MDGA2: variants seen among roughly 807,000 people sequenced by gnomAD.
MDGA2 encodes the protein MAM domain containing glycosylphosphatidylinositol anchor 2.
In MDGA2, 40 loss-of-function variants were observed where a neutral mutation model predicts 117.8. The ratio of observed to expected loss-of-function variants is 0.34; its 90% CI spans 0.26 to 0.44. The LOEUF is 0.44. Ranked by LOEUF, MDGA2 falls within the 20% of genes least tolerant of loss-of-function variation. MDGA2 has a pLI of 1.00. For missense variants in MDGA2, 1,123 were observed against 1,250.6 expected, an observed-to-expected ratio of 0.90 and a Z score of 1.54; for synonymous variants, 452 against 439.0, an observed-to-expected ratio of 1.03 and a Z score of -0.37.
intron 1 of MDGA2, among the ~76,000 whole-genome samples, chr14:47,396,007 G>T (rs1891999967): frequency 1.3e-5 from 2 of 152,256 alleles, no homozygotes; most frequent in African/African-American, 4.8e-5. Context: ...ACTAGCAAGA[G>T]AATCTATGTG....
chr14:47,520,837 T>G, intron 1 of MDGA2, among the ~76,000 whole-genome samples: 1 of 152,198 alleles, frequency 6.6e-6, no homozygotes, highest in East Asian at 1.9e-4. Context: ...TTCACTTGAG[T>G]TAAAGATAAA....
chr14:47,470,467 A>G (rs892466002), intron 1 of MDGA2, among the ~76,000 whole-genome samples: 1 of 152,140 alleles, frequency 6.6e-6, no homozygotes, highest in Non-Finnish European at 1.5e-5. Context: ...ATGGCTGCAT[A>G]GTATTCCATG....
intron 1 of MDGA2, among the ~76,000 whole-genome samples, chr14:47,568,252 C>T (rs1881012881): frequency 6.6e-6 from 1 of 152,184 alleles, no homozygotes; most frequent in African/African-American, 2.4e-5. Flanking sequence ...AATGTTAAAG[C>T]TCTTCAGCAT....
intron 3 of MDGA2, chr14:47,200,549 T>TTTTA: frequency 3.4e-6 from 2 of 592,438 alleles, no homozygotes; most frequent in Non-Finnish European, 5.2e-6. Context: ...TTTTTTTTTT[T>TTTTA]GAGGAGTTAA....
chr14:47,056,946 A>G (rs1209623811), intron 7 of MDGA2, among the ~76,000 whole-genome samples: 2 of 152,102 alleles, frequency 1.3e-5, no homozygotes, highest in Non-Finnish European at 2.9e-5. Context: ...TATAGCATAT[A>G]GTATATTTAA....
chr14:47,481,114 C>T (rs1893945967), intron 1 of MDGA2, among the ~76,000 whole-genome samples: 2 of 151,944 alleles, frequency 1.3e-5, no homozygotes, highest in Admixed American at 1.3e-4. Flanking sequence ...TAACCAGATC[C>T]AGTTCTTGCC....
chr14:47,421,256 G>C (rs1473197047), intron 1 of MDGA2, among the ~76,000 whole-genome samples: 1 of 152,058 alleles, frequency 6.6e-6, no homozygotes, highest in Admixed American at 6.6e-5. Context: ...GGGAGTCAAA[G>C]ATTAAAAGCT....
chr14:47,207,516 A>G (rs1007105481), intron 3 of MDGA2, among the ~76,000 whole-genome samples: 1 of 151,960 alleles, frequency 6.6e-6, no homozygotes, highest in Non-Finnish European at 1.5e-5. Context: ...GGAATAAGAT[A>G]GTGGAAGTGG....
intron 1 of MDGA2, among the ~76,000 whole-genome samples, chr14:47,540,540 G>GTGTGTGTGTATATATATATATATATA: frequency 1.3e-4 from 10 of 79,210 alleles, no homozygotes; most frequent in African/African-American, 3.1e-4. Flanking sequence ...GTGTGTGTGT[G>GTGTGTGTGTATATATATATATATATA]TATATATATA....
Position 47,048,743 on chromosome 14 carries a change from T to C in MDGA2, c.1525+12506A>G, listed in dbSNP as rs146831809. On this transcript the variant is annotated intron_variant, in intron 7 of 16. Transcript: ENST00000399232. ...CAACAGATCAGGGTCACATGTTCTT[T>C]AGAGCAAATGAGGTTTAATTAACAG... Among the ~76,000 whole-genome samples, 29 of 152,206 alleles carry C rather than the reference T, an allele frequency of 1.9e-4. No individual in the cohort carries two copies. The East Asian group carries it at 5.2e-3, about 27-fold the overall frequency.
intron 7 of MDGA2, among the ~76,000 whole-genome samples, chr14:47,040,401 G>A (rs974312664): frequency 6.6e-6 from 1 of 151,648 alleles, no homozygotes; most frequent in African/African-American, 2.4e-5. Flanking sequence ...CATATTACAG[G>A]GCCCAAGAAG....
chr14:47,557,236 A>G (rs1216116948), intron 1 of MDGA2, among the ~76,000 whole-genome samples: 1 of 152,228 alleles, frequency 6.6e-6, no homozygotes, highest in African/African-American at 2.4e-5. Flanking sequence ...AAATGGCACT[A>G]TAAGGGAGGC....
chr14:47,517,532 T>C (rs1419734596), intron 1 of MDGA2, among the ~76,000 whole-genome samples: 2 of 152,154 alleles, frequency 1.3e-5, no homozygotes, highest in Non-Finnish European at 2.9e-5. Context: ...AAATCACATA[T>C]ATGTAAATTT....
At chr14:47,237,161 C>A (rs1167639348) in intron 2 of MDGA2, among the ~76,000 whole-genome samples, 1 of 151,776 alleles carries the variant, frequency 6.6e-6, no homozygotes, top group Non-Finnish European at 1.5e-5. Context: ...AAAAAGAAAG[C>A]CTTGCTAAGG....
At chr14:47,290,144 T>A (rs577388483) in intron 2 of MDGA2, among the ~76,000 whole-genome samples, 15 of 152,208 alleles carry the variant, frequency 9.9e-5, no homozygotes, top group African/African-American at 3.4e-4. Flanking sequence ...ATGCTCTGAA[T>A]ATGTGTCCCT....
At chr14:46,883,096 A>G (rs913940845) in intron 10 of MDGA2, among the ~76,000 whole-genome samples, 2 of 152,112 alleles carry the variant, frequency 1.3e-5, no homozygotes, top group Non-Finnish European at 2.9e-5. Context: ...ATTTTTAAAA[A>G]GAAAAACAAT....
At chr14:47,038,977 C>T (rs1442876314) in intron 7 of MDGA2, among the ~76,000 whole-genome samples, 4 of 151,392 alleles carry the variant, frequency 2.6e-5, no homozygotes, top group Non-Finnish European at 5.9e-5. Context: ...GATTTTAAAT[C>T]TAGAAGTCAG....
At chr14:47,432,654 G>A (rs1039681909) in intron 1 of MDGA2, among the ~76,000 whole-genome samples, 1 of 151,634 alleles carries the variant, frequency 6.6e-6, no homozygotes, top group Admixed American at 6.6e-5. Context: ...TGGTTGCCTT[G>A]AATATAAAAT....
chr14:47,200,534 C>CTTTTTTTTTTTTTTTTTTTTTTTT (rs10639284), intron 3 of MDGA2: 3 of 421,914 alleles, frequency 7.1e-6, no homozygotes, highest in South Asian at 5.6e-5. Flanking sequence ...TTTTTCTTTT[C>CTTTTTTTTTTTTTTTTTTTTTTTT]TTTTTTTTTT....
Sources: gnomAD v4.1 joint callset for allele counts (sites outside exome capture counted in the v4.1 genomes callset) on GRCh38, gnomAD v4.1.1 for gene constraint, MANE v1.5 for transcripts, NCBI Gene and HGNC (gene_info 2026-07-23, HGNC 2026-07-21) for gene names.